Variants in ETV6 observed in about 807,000 individuals in gnomAD.
ETV6 encodes the protein transcription factor ETV6.
In ETV6, 16 loss-of-function variants were observed where a neutral mutation model predicts 51.1. The ratio of observed to expected loss-of-function variants is 0.31; its 90% CI spans 0.21 to 0.48. The LOEUF is 0.48. Among genes scored for constraint, ETV6 ranks in the 20% least tolerant of loss-of-function variants. The pLI, the probability that ETV6 is intolerant of heterozygous loss-of-function variation, is 0.99. For synonymous variants in ETV6, 240 were observed against 224.1 expected (o/e 1.07, Z -0.64); for missense variants, 458 against 594.8 (o/e 0.77, Z 2.39).
chr12:11,884,498 G>A lies in ETV6; in HGVS notation c.1063G>A (p.Glu355Lys), dbSNP rs2136595674. The A allele has an allele frequency of 2.5e-6, 4 of 1,614,194 alleles. No homozygotes were observed. Among genetic ancestry groups the A allele is most frequent in the Non-Finnish European group, 3.4e-6 (4 of 1,180,026 alleles). The change falls in exon 6 of 8, where the codon GAA (glutamate) becomes AAA (lysine). Residue 355 changes from glutamate to lysine, a missense_variant. Transcript: ENST00000396373. ...TCAGTTGCTTTCTGACAGCCGGTAC[G>A]AAAACTTCATCCGATGGGAGGACAA... ...VYQLLSDSRY[E>K]NFIRWEDKES...
intron 3 of ETV6, among the ~76,000 whole-genome samples, chr12:11,852,232 C>G (rs1467642760): frequency 6.6e-6 from 1 of 152,180 alleles, no homozygotes; most frequent in Non-Finnish European, 1.5e-5. Flanking sequence ...TTGCTAATTA[C>G]TCGTGGACAC....
intron 2 of ETV6, among the ~76,000 whole-genome samples, chr12:11,818,802 C>T (rs945009265): frequency 2.0e-5 from 3 of 152,100 alleles, no homozygotes; most frequent in South Asian, 2.1e-4. Context: ...ACCCCTGCAG[C>T]CCTTTTCTAA....
At chr12:11,871,546 G>A (rs1591737693) in intron 5 of ETV6, among the ~76,000 whole-genome samples, 1 of 152,102 alleles carries the variant, frequency 6.6e-6, no homozygotes, top group Non-Finnish European at 1.5e-5. Flanking sequence ...CTGGCCCCAA[G>A]TGCACCACCA....
At chr12:11,687,168 A>G (rs1310017957) in intron 1 of ETV6, among the ~76,000 whole-genome samples, 3 of 150,258 alleles carry the variant, frequency 2.0e-5, no homozygotes, top group Non-Finnish European at 3.0e-5. Flanking sequence ...ATTTAAAGGC[A>G]TGAGCCACTG....
In ETV6 at chr12:11,718,329, A is replaced by G. The variant is rs117199801; in HGVS notation, c.34-34121A>G. On this transcript the variant is annotated intron_variant, in intron 1 of 7. Transcript: ENST00000396373. Reference sequence around the variant, plus strand: ...TTTGGCACAGCTTCCCAGACTTACAAGATGTCTTGAAGTGACTGAATGGAG... The same window carrying G: ...TTTGGCACAGCTTCCCAGACTTACAGGATGTCTTGAAGTGACTGAATGGAG... Among the ~76,000 whole-genome samples the G allele has an allele frequency of 7.5e-4, 114 of 152,258 alleles. 3 individuals are homozygous for G. In the East Asian group the frequency reaches 0.02, roughly 27 times the overall value.
chr12:11,801,558 G>T (rs1945749451), intron 2 of ETV6, among the ~76,000 whole-genome samples: 1 of 152,224 alleles, frequency 6.6e-6, no homozygotes, highest in Non-Finnish European at 1.5e-5. Flanking sequence ...ACACAGTCAC[G>T]CAGGCATTTG....
At chr12:11,837,994 T>C (rs1946340300) in intron 2 of ETV6, among the ~76,000 whole-genome samples, 1 of 152,242 alleles carries the variant, frequency 6.6e-6, no homozygotes, top group Non-Finnish European at 1.5e-5. Flanking sequence ...GCCAACTCTA[T>C]ATTAATGCAA....
intron 2 of ETV6, among the ~76,000 whole-genome samples, chr12:11,814,906 C>G (rs1028710758): frequency 1.3e-5 from 2 of 152,140 alleles, no homozygotes; most frequent in Non-Finnish European, 2.9e-5. Flanking sequence ...GAACTGCCAT[C>G]CAAGGTGGCT....
At chr12:11,854,224 A>G (rs1300051027) in intron 4 of ETV6, among the ~76,000 whole-genome samples, 1 of 151,698 alleles carries the variant, frequency 6.6e-6, no homozygotes, top group Non-Finnish European at 1.5e-5. Context: ...CTTCTATGAG[A>G]ATCTAATGCC....
intron 1 of ETV6, among the ~76,000 whole-genome samples, chr12:11,724,833 A>G (rs542838022): frequency 5.9e-5 from 9 of 152,274 alleles, no homozygotes; most frequent in South Asian, 2.1e-4. Flanking sequence ...TCCCAAATCT[A>G]TTTGGACTGG....
chr12:11,830,010 A>T (rs1474594183), intron 2 of ETV6, among the ~76,000 whole-genome samples: 1 of 152,130 alleles, frequency 6.6e-6, no homozygotes, highest in Non-Finnish European at 1.5e-5. Flanking sequence ...TTTTGAGCAG[A>T]TTTGCAGAGA....
At chr12:11,732,801 A>G (rs112420116) in intron 1 of ETV6, among the ~76,000 whole-genome samples, 1,645 of 152,292 alleles carry the variant, frequency 0.011, 10 homozygotes, top group Middle Eastern at 0.034. Context: ...CTCCATTTCA[A>G]TTGCCCAATT....
In ETV6 at chr12:11,894,395, A is replaced by G; in HGVS notation, c.*3349A>G. ...GCACTGGTAATTGGCTAGACTGGCT[A>G]TGTTGAAGGTAACATGAACTCTAAG... is the stretch of plus-strand genomic sequence containing the variant. On this transcript the variant is annotated 3_prime_UTR_variant, in exon 8 of 8. Transcript: ENST00000396373. 1 of 230,288 alleles carries G rather than the reference A, an allele frequency of 4.3e-6. No individual in the cohort carries two copies. Among genetic ancestry groups the G allele is most frequent in the South Asian group, 1.9e-4 (1 of 5,392 alleles). The allele number at this position is 230,288 out of a possible 1,614,324, so 14.3% of individuals were successfully genotyped here. A position where few individuals can be genotyped will look rare whatever the true frequency, so the allele number is the denominator to read the frequency against.
chr12:11,793,589 C>T lies in ETV6; in HGVS notation c.163+41010C>T, dbSNP rs74373031. ...AAGGTCACAAGGTCACACAGATGAA[C>T]AGTGGCTACCACTATCAGCTAGGAT... On this transcript the variant is annotated intron_variant, in intron 2 of 7. Transcript: ENST00000396373. Among the ~76,000 whole-genome samples, 443 of 152,340 alleles carry T rather than the reference C, an allele frequency of 2.9e-3. 3 individuals are homozygous for T. The highest frequency in any genetic ancestry group is 0.01 in the African/African-American group (424 of 41,568).
chr12:11,822,568 G>A (rs888659972), intron 2 of ETV6, among the ~76,000 whole-genome samples: 5 of 152,162 alleles, frequency 3.3e-5, no homozygotes, highest in Admixed American at 2.6e-4. Context: ...TCCTGCTGCG[G>A]GCTTGCTTTC....
intron 2 of ETV6, among the ~76,000 whole-genome samples, chr12:11,803,329 C>G (rs564425162): frequency 2.0e-5 from 3 of 152,292 alleles, no homozygotes; most frequent in African/African-American, 7.2e-5. Flanking sequence ...TGAGAAGTCT[C>G]CCTTGTTAGA....
chr12:11,789,592 G>A (rs1945550169), intron 2 of ETV6, among the ~76,000 whole-genome samples: 1 of 152,120 alleles, frequency 6.6e-6, no homozygotes, highest in Non-Finnish European at 1.5e-5. Context: ...AAAGGGTAGG[G>A]GGGAGGCAAC....
Position 11,869,278 on chromosome 12 carries a change from G to C in ETV6, c.464-146G>C. 1.5e-6 allele frequency: 1 copy of C among 667,126 alleles called. No individual in the cohort carries two copies. Among genetic ancestry groups the C allele is most frequent in the African/African-American group, 1.8e-5 (1 of 54,986 alleles). The allele number at this position is 667,126 out of a possible 1,614,324, so 41.3% of individuals were successfully genotyped here. A position where few individuals can be genotyped will look rare whatever the true frequency, so the allele number is the denominator to read the frequency against. ...AAATATGCACCCTTCAAATTGTTAA[G>C]CAGTGAAAAAGACACTGCATTCTGG... is the stretch of plus-strand genomic sequence containing the variant. On this transcript the variant is annotated intron_variant, in intron 4 of 7. Coordinates refer to ENST00000396373, the MANE Select transcript of ETV6 (RefSeq NM_001987.5). This position sits in a 1 kb window ranked among gnomAD's most constrained non-coding sequence, Gnocchi z 5.0.
chr12:11,868,023 C>T lies in ETV6; in HGVS notation c.464-1401C>T, dbSNP rs1211012192. ...TCTGATGTTATCCTCGCTCACATGT[C>T]ACCAGCTTGCAACTTTGAGTGGGAT... On this transcript the variant is annotated intron_variant, in intron 4 of 7. Coordinates refer to ENST00000396373, the MANE Select transcript of ETV6 (RefSeq NM_001987.5). 5.3e-5 allele frequency among the ~76,000 whole-genome samples: 8 copies of T among 152,216 alleles called. No individual in the cohort carries two copies. In the East Asian group the frequency reaches 1.5e-3, roughly 29 times the overall value.
Sources: gnomAD v4.1 joint callset for allele counts (sites outside exome capture counted in the v4.1 genomes callset) on GRCh38, gnomAD v4.1.1 for gene constraint, Gnocchi (gnomAD v3.1) non-coding constraint, MANE v1.5 for transcripts, NCBI Gene and HGNC (gene_info 2026-07-23, HGNC 2026-07-21) for gene names.